PREX1: variants seen among roughly 807,000 people sequenced by gnomAD.
The protein encoded by PREX1 is phosphatidylinositol-3,4,5-trisphosphate dependent Rac exchange factor 1.
Under a neutral mutation model 198.3 loss-of-function variants are expected in PREX1, and 41 were observed. That is an observed-to-expected ratio of 0.21 (90% CI 0.16 to 0.27). The LOEUF (loss-of-function observed/expected upper bound fraction) is 0.27. PREX1 is among the 10% of genes least tolerant of loss of function. The pLI, the probability that PREX1 is intolerant of heterozygous loss-of-function variation, is 1.00. For synonymous variants in PREX1, 843 were observed against 887.2 expected (o/e 0.95, Z 0.89); for missense variants, 1,620 against 2,200.7 (o/e 0.74, Z 5.28).
chr20:48,850,395 C>T, the PREX1 span, among the ~76,000 whole-genome samples: 5 of 152,214 alleles, frequency 3.3e-5, no homozygotes, highest in African/African-American at 1.2e-4. Flanking sequence ...AGAGGGGTAA[C>T]GATGTGGACC....
chr20:48,848,891 T>G, the PREX1 span, among the ~76,000 whole-genome samples: 3 of 152,022 alleles, frequency 2.0e-5, no homozygotes, highest in African/African-American at 7.2e-5. Flanking sequence ...CACACACCAC[T>G]GTGCTCAGCT....
Position 48,827,964 on chromosome 20 carries a change from G to A in PREX1, c.-104C>T. On this transcript the variant is annotated 5_prime_UTR_variant, in exon 1 of 40. Transcript: ENST00000371941. The surrounding 1 kb of genome is among the most constrained non-coding windows in gnomAD (Gnocchi z 4.1). ...GGGGCGCGCCGGCGGGCCGGGCTCA[G>A]CGGCGGGCCGGGCTCCCGGCGCGGC... 2.9e-6 allele frequency: 1 copy of A among 346,520 alleles called. No homozygotes were observed. 21.5% of individuals were successfully genotyped at this position (346,520 alleles called of 1,614,324 possible).
At chr20:48,644,624 G>A (rs1281496918) in intron 26 of PREX1, 127 bp from the exon 27 acceptor site, 1 of 779,348 alleles carries the variant, frequency 1.3e-6, no homozygotes, top group Non-Finnish European at 2.0e-6. Flanking sequence ...GCAGCCCAGA[G>A]AGGGCACCGA....
At chr20:48,722,249 A>G (rs2089989678) in intron 5 of PREX1, among the ~76,000 whole-genome samples, 1 of 152,254 alleles carries the variant, frequency 6.6e-6, no homozygotes. Context: ...AACGTGGTCC[A>G]GCCACACAAC....
At chr20:48,640,430 A>C (rs2089400484) in intron 29 of PREX1, among the ~76,000 whole-genome samples, 1 of 152,252 alleles carries the variant, frequency 6.6e-6, no homozygotes, top group African/African-American at 2.4e-5. Context: ...CCTGCAAAAG[A>C]CAAAGGCTCT....
chr20:48,795,947 T>G (rs190765780), intron 1 of PREX1, among the ~76,000 whole-genome samples: 2 of 152,228 alleles, frequency 1.3e-5, no homozygotes, highest in Non-Finnish European at 2.9e-5. Context: ...CTGCTGCAGG[T>G]TCACATCGAT....
chr20:48,783,543 C>A (rs2090299345), intron 1 of PREX1, among the ~76,000 whole-genome samples: 1 of 152,216 alleles, frequency 6.6e-6, no homozygotes, highest in Admixed American at 6.5e-5. Flanking sequence ...AGTGACATCA[C>A]CAGGAAGAGA....
intron 1 of PREX1, among the ~76,000 whole-genome samples, chr20:48,807,272 A>G (rs1048244877): frequency 2.0e-5 from 3 of 152,026 alleles, no homozygotes; most frequent in Middle Eastern, 3.4e-3. Context: ...CTTTCTCCAC[A>G]CTCATAAATA....
intron 1 of PREX1, among the ~76,000 whole-genome samples, chr20:48,807,982 A>G (rs2090419375): frequency 6.6e-6 from 1 of 150,700 alleles, no homozygotes; most frequent in Admixed American, 6.6e-5. Flanking sequence ...TTGCAAGCCG[A>G]CTCCTGAGCC....
rs561298276 is a variant in PREX1, at chr20:48,744,414, C to T, written c.414+611G>A. Reference sequence around the variant, plus strand: ...AGGAGTTTGGCTCACATCTCGTGCCCGTGAGGCTAGCTTGGGTTCTTCTGT... The same window carrying T: ...AGGAGTTTGGCTCACATCTCGTGCCTGTGAGGCTAGCTTGGGTTCTTCTGT... On this transcript the variant is annotated intron_variant, in intron 3 of 39. Coordinates refer to ENST00000371941, the MANE Select transcript of PREX1 (RefSeq NM_020820.4). Among the ~76,000 whole-genome samples the T allele has an allele frequency of 2.6e-5, 4 of 152,268 alleles. No homozygotes were observed. The East Asian group carries it at 5.8e-4, about 22-fold the overall frequency.
At chr20:48,883,956 C>T in the PREX1 span, among the ~76,000 whole-genome samples, 8 of 151,886 alleles carry the variant, frequency 5.3e-5, no homozygotes, top group East Asian at 1.9e-4. Flanking sequence ...CTGGCTAACA[C>T]GGTGAAACCC....
At chr20:48,749,814 G>C (rs1351693847) in intron 1 of PREX1, among the ~76,000 whole-genome samples, 1 of 152,108 alleles carries the variant, frequency 6.6e-6, no homozygotes, top group African/African-American at 2.4e-5. Context: ...GCTTGTGGGA[G>C]TTACTTATAT....
chr20:48,882,254 G>A, the PREX1 span, among the ~76,000 whole-genome samples: 3 of 152,108 alleles, frequency 2.0e-5, no homozygotes, highest in Non-Finnish European at 4.4e-5. Context: ...TGTAATCCCA[G>A]CACTTTGGGA....
intron 1 of PREX1, among the ~76,000 whole-genome samples, chr20:48,797,509 C>G (rs1004273838): frequency 6.6e-6 from 1 of 152,136 alleles, no homozygotes; most frequent in African/African-American, 2.4e-5. Flanking sequence ...GTGGCCCATA[C>G]AGCTGACCCA....
At chr20:48,850,938 T>C in the PREX1 span, among the ~76,000 whole-genome samples, 11 of 152,200 alleles carry the variant, frequency 7.2e-5, no homozygotes, top group African/African-American at 2.4e-4. Context: ...GCTTGTGAGC[T>C]AAGAATGGTT....
intron 11 of PREX1, 63 bp from the exon 12 acceptor site, chr20:48,679,817 C>A (rs1001963734): frequency 7.5e-7 from 1 of 1,340,034 alleles, no homozygotes; most frequent in Non-Finnish European, 1.1e-6. Flanking sequence ...AGCCACGCCC[C>A]CCAGCATTGG....
chr20:48,695,600 G>A, intron 7 of PREX1, among the ~76,000 whole-genome samples: 1 of 152,232 alleles, frequency 6.6e-6, no homozygotes, highest in South Asian at 2.1e-4. Flanking sequence ...GTCTCATTTT[G>A]GCCATTATGG....
At chr20:48,856,935 G>A in the PREX1 span, among the ~76,000 whole-genome samples, 4 of 152,180 alleles carry the variant, frequency 2.6e-5, no homozygotes, top group Non-Finnish European at 5.9e-5. Flanking sequence ...TGCCTCCCAG[G>A]TTCAAGCAAT....
At chr20:48,826,858 C>CA (rs973646199) in intron 1 of PREX1, among the ~76,000 whole-genome samples, 5 of 151,652 alleles carry the variant, frequency 3.3e-5, no homozygotes, top group Non-Finnish European at 5.9e-5. Flanking sequence ...GACTCCGTCT[C>CA]AAAAAAAAAT....
Sources: gnomAD v4.1 joint callset for allele counts (sites outside exome capture counted in the v4.1 genomes callset) on GRCh38, gnomAD v4.1.1 for gene constraint, Gnocchi (gnomAD v3.1) non-coding constraint, MANE v1.5 for transcripts, NCBI Gene and HGNC (gene_info 2026-07-23, HGNC 2026-07-21) for gene names.